SAMD3: variants seen among roughly 807,000 people sequenced by gnomAD.
The protein encoded by SAMD3 is sterile alpha motif domain-containing protein 3.
SAMD3 carries 63 observed loss-of-function variants against 58.5 expected under a neutral mutation model. The ratio of observed to expected loss-of-function variants is 1.08; its 90% CI spans 0.88 to 1.33. The LOEUF (loss-of-function observed/expected upper bound fraction) is 1.33. Among genes scored for constraint, SAMD3 ranks in the 40% most tolerant of loss-of-function variants. The pLI, the probability that SAMD3 is intolerant of heterozygous loss-of-function variation, is 0.00. For synonymous variants in SAMD3, 220 were observed against 210.3 expected, an observed-to-expected ratio of 1.05 and a Z score of -0.40; for missense variants, 604 against 608.4, an observed-to-expected ratio of 0.99 and a Z score of 0.08.
At chr6:130,155,841 A>G (rs1414731499) in intron 8 of SAMD3, among the ~76,000 whole-genome samples, 3 of 152,214 alleles carry the variant, frequency 2.0e-5, no homozygotes, top group African/African-American at 7.2e-5. Context: ...AGAATGACTA[A>G]CAAGACCTAA....
chr6:130,213,984 A>T (rs553382515), intron 4 of SAMD3, among the ~76,000 whole-genome samples: 1 of 152,298 alleles, frequency 6.6e-6, no homozygotes, highest in Non-Finnish European at 1.5e-5. Context: ...GCAAAGAAGC[A>T]ATCAAGATGC....
At chr6:130,283,786 A>G (rs1336030075) in intron 2 of SAMD3, among the ~76,000 whole-genome samples, 4 of 152,234 alleles carry the variant, frequency 2.6e-5, no homozygotes, top group Non-Finnish European at 5.9e-5. Context: ...ATAGGCTTCA[A>G]GTAATGATGG....
chr6:130,365,077 G>A, intron 1 of SAMD3: 1 of 704,728 alleles, frequency 1.4e-6, no homozygotes, highest in Non-Finnish European at 1.7e-6. Context: ...ACAGGGGGTG[G>A]TTGGAATATC....
At chr6:130,286,254 G>A (rs981716774) in intron 2 of SAMD3, 2 of 152,244 alleles carry the variant, frequency 1.3e-5, no homozygotes, top group Non-Finnish European at 2.9e-5. Flanking sequence ...ACCCAACACA[G>A]GATGGCCAGA....
intron 2 of SAMD3, among the ~76,000 whole-genome samples, chr6:130,280,539 G>A (rs1042895190): frequency 2.6e-5 from 4 of 152,164 alleles, no homozygotes; most frequent in South Asian, 4.2e-4. Context: ...CCTCTCCTCT[G>A]AACTCTCTTC....
At chr6:130,181,621 A>C (rs1792337464) in intron 7 of SAMD3, among the ~76,000 whole-genome samples, 1 of 152,224 alleles carries the variant, frequency 6.6e-6, no homozygotes, top group Non-Finnish European at 1.5e-5. Context: ...TCACTTTGAT[A>C]ACCATCAAAC....
chr6:130,180,971 G>T (rs1792272159), intron 7 of SAMD3, among the ~76,000 whole-genome samples: 1 of 5,434 alleles, frequency 1.8e-4, no homozygotes, highest in African/African-American at 4.2e-4. Flanking sequence ...TTTTGAGACG[G>T]AGTTCCGCTC....
intron 2 of SAMD3, among the ~76,000 whole-genome samples, chr6:130,308,265 G>A (rs565731292): frequency 1.4e-4 from 22 of 152,064 alleles, no homozygotes; most frequent in African/African-American, 4.8e-4. Context: ...TAATAATCTT[G>A]GAAGGTTTTT....
intron 1 of SAMD3, among the ~76,000 whole-genome samples, chr6:130,334,423 G>T (rs1183686078): frequency 1.3e-5 from 2 of 152,100 alleles, no homozygotes; most frequent in Non-Finnish European, 2.9e-5. Context: ...AAAAAAGGTA[G>T]ATACCCACAT....
At chr6:130,178,768 C>A (rs1791986927) in intron 7 of SAMD3, among the ~76,000 whole-genome samples, 1 of 152,176 alleles carries the variant, frequency 6.6e-6, no homozygotes, top group East Asian at 1.9e-4. Context: ...TGAGTAGCTA[C>A]TCATAGAAGA....
chr6:130,174,841 T>C (rs1389672025), intron 8 of SAMD3, among the ~76,000 whole-genome samples: 2 of 152,366 alleles, frequency 1.3e-5, no homozygotes, highest in East Asian at 3.9e-4. Flanking sequence ...TAGAATAAGA[T>C]ATTTAAAGTA....
At chr6:130,325,146 T>C (rs1321137295) in intron 1 of SAMD3, among the ~76,000 whole-genome samples, 1 of 152,176 alleles carries the variant, frequency 6.6e-6, no homozygotes, top group Non-Finnish European at 1.5e-5. Context: ...TTTATGTATA[T>C]GTAGTATGTT....
intron 8 of SAMD3, among the ~76,000 whole-genome samples, chr6:130,168,910 C>G (rs139992324): frequency 1.3e-5 from 2 of 152,270 alleles, no homozygotes; most frequent in African/African-American, 4.8e-5. Context: ...TCAAGCGGTT[C>G]TCACCACCTC....
chr6:130,268,363 A>G (rs142828443), intron 2 of SAMD3, among the ~76,000 whole-genome samples: 3,832 of 152,288 alleles, frequency 0.025, 67 homozygotes, highest in Non-Finnish European at 0.04. Flanking sequence ...TAAGGTAAAA[A>G]AGTTATAGTA....
Position 130,214,454 on chromosome 6 carries a change from CCAATT to C in SAMD3, c.147_151del (p.Ile50AlafsTer10). 1 of 1,612,984 alleles carries C rather than the reference CCAATT, an allele frequency of 6.2e-7. No individual in the cohort carries two copies. The highest frequency in any genetic ancestry group is 8.5e-7 in the Non-Finnish European group (1 of 1,179,484). On this transcript the variant is annotated frameshift_variant, in exon 4 of 12. Transcript: ENST00000439090. LOFTEE classifies it high-confidence loss of function. ...TAAATCCATCAGAACAGCCTGGTGC[CCAATT>C]TTCTTTACCAGTTGCTGAACCATCC...
At chr6:130,150,713 CTTTT>C (rs535281930) in intron 9 of SAMD3, among the ~76,000 whole-genome samples, 2 of 136,004 alleles carry the variant, frequency 1.5e-5, no homozygotes, top group African/African-American at 2.7e-5. Context: ...GGCCAGAATT[CTTTT>C]TTTTTTTTTT....
intron 1 of SAMD3, among the ~76,000 whole-genome samples, chr6:130,319,808 G>A (rs6940373): frequency 0.44 from 67,609 of 151,962 alleles, 17,317 homozygotes; most frequent in African/African-American, 0.71. Flanking sequence ...GGGTTTTAAT[G>A]TGTAAGTTTA....
intron 7 of SAMD3, among the ~76,000 whole-genome samples, chr6:130,179,679 A>G (rs1792088130): frequency 6.6e-6 from 1 of 152,178 alleles, no homozygotes; most frequent in Non-Finnish European, 1.5e-5. Flanking sequence ...TTATAGCAAA[A>G]AACTATCTTT....
At chr6:130,249,778 A>G (rs912568699) in intron 2 of SAMD3, among the ~76,000 whole-genome samples, 1 of 152,176 alleles carries the variant, frequency 6.6e-6, no homozygotes. Context: ...TAAGTTCTTT[A>G]TCAAAAGAGC....
Sources: allele counts gnomAD v4.1 joint callset (sites outside exome capture counted in the v4.1 genomes callset), GRCh38; gene constraint gnomAD v4.1.1; transcripts MANE v1.5; gene names NCBI Gene and HGNC (gene_info 2026-07-23, HGNC 2026-07-21).